The following TNKS variants were observed in gnomAD, a reference collection of about 807,000 sequenced individuals.
TNKS encodes the protein poly [ADP-ribose] polymerase tankyrase-1.
A neutral mutation model predicts 135.8 loss-of-function variants in TNKS; 72 were observed. The observed-to-expected ratio is 0.53, with a 90% CI of 0.44 to 0.64. The LOEUF is 0.64. Ranked by LOEUF, TNKS falls within the 30% of genes least tolerant of loss-of-function variation. The pLI is 0.00. For synonymous variants in TNKS, 849 were observed against 649.3 expected, an observed-to-expected ratio of 1.31 and a Z score of -4.68; for missense variants, 1,769 against 1,674.0, an observed-to-expected ratio of 1.06 and a Z score of -0.99.
intron 3 of TNKS, among the ~76,000 whole-genome samples, chr8:9,673,267 TTA>T (rs1315127937): frequency 1.3e-5 from 2 of 152,126 alleles, no homozygotes; most frequent in African/African-American, 4.8e-5. Context: ...TATATGAGTG[TTA>T]TATTGTGTTT....
In TNKS at chr8:9,778,084, T is replaced by C. The variant is rs1808306463; in HGVS notation, c.*1348T>C. On this transcript the variant is annotated 3_prime_UTR_variant, in exon 27 of 27. Coordinates refer to ENST00000310430, the MANE Select transcript of TNKS (RefSeq NM_003747.3). ...AAGGTGAGAAAGAAATACCATACAATTTTCTTTGTGAAATTACTGTTTATT... is the reference window on the plus strand; with the variant it reads ...AAGGTGAGAAAGAAATACCATACAACTTTCTTTGTGAAATTACTGTTTATT... 6.6e-6 allele frequency: 1 copy of C among 152,598 alleles called. No individual in the cohort carries two copies. The highest frequency in any genetic ancestry group is 1.9e-4 in the East Asian group (1 of 5,196). 9.5% of individuals were successfully genotyped at this position (152,598 alleles called of 1,614,324 possible).
Position 9,580,139 on chromosome 8 carries a change from A to G in TNKS, c.674-20A>G. 6.2e-7 allele frequency: 1 copy of G among 1,605,956 alleles called. No individual in the cohort carries two copies. Among genetic ancestry groups the G allele is most frequent in the Non-Finnish European group, 8.5e-7 (1 of 1,172,776 alleles). ...ACAAAATCAAATATATATACAAGAC[A>G]TTTTTTCGTTTCTTTTTAGGTTTTG... On this transcript the variant is annotated intron_variant, in intron 1 of 26. Transcript: ENST00000310430.
intron 2 of TNKS, among the ~76,000 whole-genome samples, chr8:9,580,869 A>G (rs539687995): frequency 1.3e-5 from 2 of 152,324 alleles, no homozygotes; most frequent in East Asian, 1.9e-4. Flanking sequence ...GTCTAGAGAA[A>G]AAGCAATTTC....
chr8:9,772,954 G>A (rs189553802), intron 26 of TNKS, among the ~76,000 whole-genome samples: 2 of 149,976 alleles, frequency 1.3e-5, no homozygotes, highest in Admixed American at 6.7e-5. Flanking sequence ...CTTCCCAAAC[G>A]TAGATCTGGG....
At chr8:9,763,942 C>T (rs1807284783) in intron 22 of TNKS, among the ~76,000 whole-genome samples, 2 of 152,158 alleles carry the variant, frequency 1.3e-5, no homozygotes, top group Admixed American at 1.3e-4. Flanking sequence ...AGGCTAGGAA[C>T]TTGCATAGGG....
Position 9,578,090 on chromosome 8 carries a change from G to A in TNKS, c.674-2069G>A, listed in dbSNP as rs570126718. ...ACATCCAGGCCACACCAACACAAGG[G>A]GTGGGCTCCCAAGGCCTTGGGCGGC... On this transcript the variant is annotated intron_variant, in intron 1 of 26. Coordinates refer to ENST00000310430, the MANE Select transcript of TNKS (RefSeq NM_003747.3). Among the ~76,000 whole-genome samples, 323 of 152,274 alleles carry A rather than the reference G, an allele frequency of 2.1e-3. 1 individual carries two copies. Among genetic ancestry groups the A allele is most frequent in the African/African-American group, 7.1e-3 (296 of 41,570 alleles).
intron 3 of TNKS, among the ~76,000 whole-genome samples, chr8:9,669,189 C>T (rs560524595): frequency 1.3e-5 from 2 of 151,578 alleles, no homozygotes; most frequent in East Asian, 1.9e-4. Context: ...GAGGCCGAGG[C>T]GGGTGGATCA....
chr8:9,762,938 C>T (rs185155004), intron 21 of TNKS, among the ~76,000 whole-genome samples: 124 of 151,700 alleles, frequency 8.2e-4, no homozygotes, highest in African/African-American at 2.8e-3. Context: ...TAAAATCAGT[C>T]CCCAAACATC....
At position 9,778,172 on chromosome 8, in the gene TNKS, A is replaced by T. The variant is rs1808310313; in HGVS notation, c.*1436A>T. 1 of 152,580 alleles carries T rather than the reference A, an allele frequency of 6.6e-6. No individual in the cohort carries two copies. Among genetic ancestry groups the T allele is most frequent in the Admixed American group, 6.5e-5 (1 of 15,280 alleles). The allele number at this position is 152,580 out of a possible 1,614,324, so 9.5% of individuals were successfully genotyped here. A position where few individuals can be genotyped will look rare whatever the true frequency, so the allele number is the denominator to read the frequency against. On this transcript the variant is annotated 3_prime_UTR_variant, in exon 27 of 27. Coordinates refer to ENST00000310430, the MANE Select transcript of TNKS (RefSeq NM_003747.3). ...AAAAAAATGATCCTTTATAGTTCTT[A>T]CACTTGCCCTTTTCACCTTAACTGA...
rs80147553 is a variant in TNKS, at chr8:9,675,259, A to G, written c.995-4692A>G. 5.7e-3 allele frequency among the ~76,000 whole-genome samples: 870 copies of G among 152,320 alleles called. 7 individuals are homozygous for G. Among genetic ancestry groups the G allele is most frequent in the Non-Finnish European group, 9.7e-3 (663 of 68,022 alleles). On this transcript the variant is annotated intron_variant, in intron 3 of 26. Transcript: ENST00000310430. Reference sequence around the variant, plus strand: ...CCTAAATTAATATTTTATTCTTCATATAGGTTGTCAGTTTAGCTACAAGAA... The same window carrying G: ...CCTAAATTAATATTTTATTCTTCATGTAGGTTGTCAGTTTAGCTACAAGAA...
At chr8:9,558,025 G>A (rs533059066) in intron 1 of TNKS, 8 of 152,248 alleles carry the variant, frequency 5.3e-5, no homozygotes, top group South Asian at 4.1e-4. Flanking sequence ...GTAGTAATGC[G>A]GAGGGGCTTA....
intron 25 of TNKS, among the ~76,000 whole-genome samples, chr8:9,766,931 A>G (rs966899840): frequency 2.0e-5 from 3 of 152,202 alleles, no homozygotes; most frequent in African/African-American, 7.2e-5. Flanking sequence ...AACTAGGGGT[A>G]AAAACCAGGT....
intron 17 of TNKS, among the ~76,000 whole-genome samples, chr8:9,742,932 CTG>C (rs1474655850): frequency 6.6e-6 from 1 of 151,740 alleles, no homozygotes; most frequent in African/African-American, 2.4e-5. Context: ...GTAGATACAA[CTG>C]TGTTCTATTA....
At chr8:9,661,567 T>G (rs1801713161) in intron 3 of TNKS, among the ~76,000 whole-genome samples, 1 of 152,154 alleles carries the variant, frequency 6.6e-6, no homozygotes. Context: ...TCCTTACACC[T>G]TAGACAAAAA....
At chr8:9,617,466 T>C (rs1458997266) in intron 3 of TNKS, among the ~76,000 whole-genome samples, 1 of 152,252 alleles carries the variant, frequency 6.6e-6, no homozygotes, top group Non-Finnish European at 1.5e-5. Context: ...CTACAGCTTT[T>C]CAGATGTGAT....
In TNKS at chr8:9,575,068, A is replaced by G; in HGVS notation, c.674-5091A>G. On this transcript the variant is annotated intron_variant, in intron 1 of 26. Transcript: ENST00000310430. Reference sequence around the variant, plus strand: ...CCTTTGTCTTGACAAATTGTGTGAGACAAGTGAATCTCTCCATTATCTTTT... The same window carrying G: ...CCTTTGTCTTGACAAATTGTGTGAGGCAAGTGAATCTCTCCATTATCTTTT... 6 of 985,140 alleles carry G rather than the reference A, an allele frequency of 6.1e-6. No homozygotes were observed. The South Asian group carries it at 2.4e-4, about 39-fold the overall frequency. 61.0% of individuals were successfully genotyped at this position (985,140 alleles called of 1,614,324 possible).
intron 2 of TNKS, among the ~76,000 whole-genome samples, chr8:9,592,261 T>C (rs941297504): frequency 6.6e-6 from 1 of 152,322 alleles, no homozygotes. Context: ...TTTTGGTTTG[T>C]GTTTTCCTTT....
chr8:9,584,104 C>T (rs1417048990), intron 2 of TNKS, among the ~76,000 whole-genome samples: 2 of 143,790 alleles, frequency 1.4e-5, no homozygotes, highest in African/African-American at 2.6e-5. Flanking sequence ...GGGGAGCTTG[C>T]AGTGAGCCGA....
At chr8:9,752,450 C>T in intron 19 of TNKS, 94 bp from the exon 20 acceptor site, 2 of 832,014 alleles carry the variant, frequency 2.4e-6, no homozygotes, top group Non-Finnish European at 3.9e-6. Context: ...CATCTGACAG[C>T]CAAGGTTGTC....
Sources: gnomAD v4.1 joint callset for allele counts (sites outside exome capture counted in the v4.1 genomes callset) on GRCh38, gnomAD v4.1.1 for gene constraint, MANE v1.5 for transcripts, NCBI Gene and HGNC (gene_info 2026-07-23, HGNC 2026-07-21) for gene names.